Variants in EGFLAM observed in about 807,000 individuals in gnomAD.
EGFLAM encodes the protein EGF like, fibronectin type III and laminin G domains.
In EGFLAM, 79 loss-of-function variants were observed where a neutral mutation model predicts 113.1. The observed-to-expected ratio is 0.70, with a 90% confidence interval of 0.58 to 0.84. The LOEUF (loss-of-function observed/expected upper bound fraction) is 0.84. EGFLAM is among the 40% of genes least tolerant of loss of function. EGFLAM has a pLI of 0.00. For missense variants in EGFLAM, 1,265 were observed against 1,291.6 expected (o/e 0.98, Z 0.32); for synonymous variants, 504 against 487.6 (o/e 1.03, Z -0.44).
intron 18 of EGFLAM, among the ~76,000 whole-genome samples, chr5:38,449,044 C>T (rs1178028387): frequency 6.6e-6 from 1 of 152,226 alleles, no homozygotes; most frequent in Non-Finnish European, 1.5e-5. Context: ...TAGCCTTTGA[C>T]ATGGCAAAAT....
Position 38,448,119 on chromosome 5 carries a change from C to T in EGFLAM, c.2465-182C>T, listed in dbSNP as rs990547555. On this transcript the variant is annotated intron_variant, in intron 17 of 21. Transcript: ENST00000322350. ...GAGGGAAAAATGGGGGAGAAGCCAA[C>T]CCCAGGCCATGGGGTTGGGCAACTG... 9 of 637,620 alleles carry T rather than the reference C, an allele frequency of 1.4e-5. No individual in the cohort carries two copies. In the Admixed American group the frequency reaches 1.7e-4, roughly 12 times the overall value. 39.5% of individuals were successfully genotyped at this position (637,620 alleles called of 1,614,324 possible).
At chr5:38,438,558 C>T in intron 17 of EGFLAM, 103 bp downstream of exon 17, 1 of 1,157,522 alleles carries the variant, frequency 8.6e-7, no homozygotes, top group Admixed American at 3.4e-5. Context: ...AACAGTGGTA[C>T]AACCATAGTG....
In EGFLAM at chr5:38,289,656, T is replaced by C. The variant is rs2561131; in HGVS notation, c.97+30805T>C. ...CAACCATTGGCCAGAACGAGTCACA[T>C]GGCAGAAACATGTAAACCTCTCATG... On this transcript the variant is annotated intron_variant, in intron 1 of 21. Coordinates refer to ENST00000322350, the MANE Select transcript of EGFLAM (RefSeq NM_152403.4). 4.4e-4 allele frequency among the ~76,000 whole-genome samples: 67 copies of C among 152,330 alleles called. 1 individual carries two copies. The highest frequency in any genetic ancestry group is 1.6e-3 in the African/African-American group (66 of 41,576).
chr5:38,406,061 T>C, intron 6 of EGFLAM, 65 bp from the exon 7 acceptor site: 1 of 1,286,056 alleles, frequency 7.8e-7, no homozygotes, highest in Non-Finnish European at 1.1e-6. Flanking sequence ...GTGGCTGAGT[T>C]AGGCTAGACA....
chr5:38,308,825 G>A (rs917990780), intron 1 of EGFLAM, among the ~76,000 whole-genome samples: 5 of 152,114 alleles, frequency 3.3e-5, no homozygotes, highest in Admixed American at 1.3e-4. Flanking sequence ...ACCAAGATAC[G>A]CCCTGGTTTG....
At chr5:38,405,642 A>G (rs1407879016) in intron 6 of EGFLAM, among the ~76,000 whole-genome samples, 1 of 152,164 alleles carries the variant, frequency 6.6e-6, no homozygotes, top group African/African-American at 2.4e-5. Flanking sequence ...AGTATTTTTT[A>G]CTATTACAAA....
chr5:38,392,617 A>T (rs2956590), intron 6 of EGFLAM, among the ~76,000 whole-genome samples: 1 of 144,084 alleles, frequency 6.9e-6, no homozygotes, highest in African/African-American at 2.6e-5. Context: ...ACCAGAATCT[A>T]TTCTTTTTTT....
intron 1 of EGFLAM, among the ~76,000 whole-genome samples, chr5:38,274,298 G>A (rs1331450083): frequency 6.6e-6 from 1 of 152,162 alleles, no homozygotes; most frequent in Non-Finnish European, 1.5e-5. Flanking sequence ...AGAAATCATA[G>A]CAGAAAACTT....
At chr5:38,306,460 G>A (rs541670669) in intron 1 of EGFLAM, among the ~76,000 whole-genome samples, 4 of 152,246 alleles carry the variant, frequency 2.6e-5, no homozygotes, top group East Asian at 1.9e-4. Flanking sequence ...GAAAGCTACC[G>A]TTCCTCCCCC....
At chr5:38,298,865 T>C (rs1758509138) in intron 1 of EGFLAM, among the ~76,000 whole-genome samples, 1 of 152,098 alleles carries the variant, frequency 6.6e-6, no homozygotes, top group Admixed American at 6.6e-5. Flanking sequence ...CATGCCCAGC[T>C]AATTTTTGTA....
rs16903946 is a variant in EGFLAM, at chr5:38,347,702, C to T, written c.292-2799C>T. ...TAGAATGTAAGGAGGGGACACGGTA[C>T]GGGATGATGCTGGAAGGATAAACAG... On this transcript the variant is annotated intron_variant, in intron 3 of 21. Transcript: ENST00000322350. Among the ~76,000 whole-genome samples, 506 of 152,134 alleles carry T rather than the reference C, an allele frequency of 3.3e-3. 18 individuals carry two copies. In the East Asian group the frequency reaches 0.072, roughly 22 times the overall value.
intron 1 of EGFLAM, among the ~76,000 whole-genome samples, chr5:38,277,448 G>A (rs1757914081): frequency 6.6e-6 from 1 of 150,924 alleles, no homozygotes. Context: ...CAAACCCACA[G>A]CCAATACACT....
intron 6 of EGFLAM, among the ~76,000 whole-genome samples, chr5:38,385,434 A>C (rs1184199659): frequency 2.6e-5 from 4 of 152,162 alleles, no homozygotes; most frequent in African/African-American, 9.7e-5. Context: ...TACCTAATAC[A>C]ATGCAAATGC....
At chr5:38,360,058 C>T (rs1739879429) in intron 5 of EGFLAM, among the ~76,000 whole-genome samples, 1 of 152,198 alleles carries the variant, frequency 6.6e-6, no homozygotes, top group African/African-American at 2.4e-5. Context: ...CTCCTTCCAT[C>T]TCATCATAGA....
intron 1 of EGFLAM, among the ~76,000 whole-genome samples, chr5:38,306,582 T>C (rs1025962322): frequency 3.3e-5 from 5 of 152,352 alleles, no homozygotes; most frequent in Admixed American, 3.3e-4. Flanking sequence ...CATGTAACCC[T>C]AATTTATTGT....
At chr5:38,372,830 G>A (rs988972872) in intron 6 of EGFLAM, among the ~76,000 whole-genome samples, 13 of 152,098 alleles carry the variant, frequency 8.5e-5, no homozygotes, top group African/African-American at 2.7e-4. Context: ...TATTTCAATC[G>A]TGGTTTTTCT....
In EGFLAM at chr5:38,283,366, G is replaced by T. The variant is rs1337646211; in HGVS notation, c.97+24515G>T. Reference sequence around the variant, plus strand: ...TCATTGCTTATGATTATACCCTGTTGTTATAATTTGCTTCTAGATCATTCA... The same window carrying T: ...TCATTGCTTATGATTATACCCTGTTTTTATAATTTGCTTCTAGATCATTCA... On this transcript the variant is annotated intron_variant, in intron 1 of 21. Transcript: ENST00000322350. Among the ~76,000 whole-genome samples the T allele has an allele frequency of 3.1e-4, 47 of 152,092 alleles. 1 individual carries two copies. Among genetic ancestry groups the T allele is most frequent in the Non-Finnish European group, 4.4e-5 (3 of 68,014 alleles).
chr5:38,260,308 C>T (rs1176645099), intron 1 of EGFLAM, among the ~76,000 whole-genome samples: 8 of 152,176 alleles, frequency 5.3e-5, no homozygotes, highest in Non-Finnish European at 1.2e-4. Flanking sequence ...TTAAACAAAG[C>T]ATAGTTATAT....
intron 11 of EGFLAM, among the ~76,000 whole-genome samples, chr5:38,416,503 G>A (rs1302322868): frequency 6.6e-6 from 1 of 152,166 alleles, no homozygotes; most frequent in African/African-American, 2.4e-5. Flanking sequence ...GTACAGGCAG[G>A]CAAAGCAAGC....
Sources: allele counts gnomAD v4.1 joint callset (sites outside exome capture counted in the v4.1 genomes callset), GRCh38; gene constraint gnomAD v4.1.1; transcripts MANE v1.5; gene names NCBI Gene and HGNC (gene_info 2026-07-23, HGNC 2026-07-21).